The following DDX39A variants were observed in gnomAD, a reference collection of about 807,000 sequenced individuals.
DDX39A encodes DExD-box helicase 39A.
Under a neutral mutation model 46.3 loss-of-function variants are expected in DDX39A, and 13 were observed. That is an observed-to-expected ratio of 0.28 (90% CI 0.18 to 0.45). The LOEUF (loss-of-function observed/expected upper bound fraction) is 0.45, where lower values mean the gene tolerates loss of function less well. Among genes scored for constraint, DDX39A ranks in the 20% least tolerant of loss-of-function variants. The probability of loss-of-function intolerance (pLI) is 1.00; values close to 1 mark genes in which losing one functional copy is unlikely to be tolerated. For missense variants in DDX39A, 352 were observed against 581.8 expected (o/e 0.61, Z 4.06); for synonymous variants, 234 against 224.6 (o/e 1.04, Z -0.38).
Position 14,411,005 on chromosome 19 carries a change from C to T in DDX39A, c.597G>A (p.Lys199=), listed in dbSNP as rs1976565279. Residue 199 remains lysine (K), a synonymous_variant, in exon 5 of 11, where the codon AAG becomes AAA. Transcript: ENST00000242776. This position sits in a 1 kb window ranked among gnomAD's most constrained non-coding sequence, Gnocchi z 4.1. Reference sequence around the variant, plus strand: ...AGGACTCACCCAGCTGCTCCAGCATCTTGTCACACTCGTCCAGCACAAAGT... The same window carrying T: ...AGGACTCACCCAGCTGCTCCAGCATTTTGTCACACTCGTCCAGCACAAAGT... ...VKHFVLDECD[K]MLEQLDMRRD... 6.3e-7 allele frequency: 1 copy of T among 1,583,052 alleles called. No individual in the cohort carries two copies. Among genetic ancestry groups the T allele is most frequent in the African/African-American group, 1.4e-5 (1 of 73,838 alleles).
chr19:14,410,205 G>A lies in DDX39A; in HGVS notation c.732+11C>T, dbSNP rs765309980. On this transcript the variant is annotated intron_variant, in intron 6 of 10. Transcript: ENST00000242776. The surrounding 1 kb of genome is among the most constrained non-coding windows in gnomAD (Gnocchi z 4.3). ...GGGGAAGGCCAAAGCTGCCACTCTC[G>A]CCCTACTCACATCCTGCATGAACTT... The A allele has an allele frequency of 1.1e-5, 18 of 1,611,892 alleles. No individual in the cohort carries two copies. The African/African-American group carries it at 1.6e-4, about 14-fold the overall frequency.
chr19:14,414,177 T>C (rs1976706725), intron 1 of DDX39A, among the ~76,000 whole-genome samples: 1 of 151,940 alleles, frequency 6.6e-6, no homozygotes, highest in South Asian at 2.1e-4. Flanking sequence ...CTGTCACTCA[T>C]TCCCGGCTCA....
chr19:14,412,860 C>T lies in DDX39A; in HGVS notation c.208+153G>A. On this transcript the variant is annotated intron_variant, in intron 2 of 10. Coordinates refer to ENST00000242776, the MANE Select transcript of DDX39A (RefSeq NM_005804.4). This position sits in a 1 kb window ranked among gnomAD's most constrained non-coding sequence, Gnocchi z 4.4. ...AAGCAGAACGCCCCACTGCCGAGGGCAGCCACAGGCCCCGCTGGGCACAAC... is the reference window on the plus strand; with the variant it reads ...AAGCAGAACGCCCCACTGCCGAGGGTAGCCACAGGCCCCGCTGGGCACAAC... The T allele has an allele frequency of 8.0e-7, 1 of 1,245,100 alleles. No homozygotes were observed. The allele number at this position is 1,245,100 out of a possible 1,614,324, so 77.1% of individuals were successfully genotyped here. A position where few individuals can be genotyped will look rare whatever the true frequency, so the allele number is the denominator to read the frequency against.
At position 14,409,950 on chromosome 19, in the gene DDX39A, G is replaced by A; in HGVS notation, c.733-77C>T. The A allele has an allele frequency of 6.4e-7, 1 of 1,570,050 alleles. No individual in the cohort carries two copies. Among genetic ancestry groups the A allele is most frequent in the Middle Eastern group, 1.7e-4 (1 of 5,998 alleles). ...TCGCCTGCCCAGAACCTTCCAGTGG[G>A]CGACTCCTTTGTGCGACACTTCCCA... On this transcript the variant is annotated intron_variant, in intron 6 of 10. Coordinates refer to ENST00000242776, the MANE Select transcript of DDX39A (RefSeq NM_005804.4). This position sits in a 1 kb window ranked among gnomAD's most constrained non-coding sequence, Gnocchi z 8.3.
chr19:14,413,809 C>A (rs940874749), intron 1 of DDX39A, among the ~76,000 whole-genome samples: 6 of 152,172 alleles, frequency 3.9e-5, no homozygotes, highest in African/African-American at 1.4e-4. Flanking sequence ...CTGGTGGGAA[C>A]TGAGTTTGCG....
chr19:14,417,708 G>GA (rs1483227713), intron 1 of DDX39A, among the ~76,000 whole-genome samples: 5 of 152,130 alleles, frequency 3.3e-5, no homozygotes, highest in Admixed American at 2.0e-4. Flanking sequence ...ATTAAAAAAA[G>GA]AAAAAAATTA....
intron 1 of DDX39A, among the ~76,000 whole-genome samples, chr19:14,416,584 C>A (rs562869852): frequency 6.6e-6 from 1 of 152,306 alleles, no homozygotes; most frequent in Admixed American, 6.5e-5. Flanking sequence ...CCGAAAAGCA[C>A]CAGAGCCTTT....
intron 1 of DDX39A, chr19:14,418,820 CCAAGAAGAAGGTAGACTGGGAAAGGGAT>C: frequency 4.7e-6 from 2 of 425,614 alleles, no homozygotes; most frequent in East Asian, 1.4e-4. Context: ...AAAAAGTAGA[CCAAGAAGAAGGTAGACTGGGAAAGGGAT>C]CAAGTCCCTC....
rs1976622709 is a variant in DDX39A, at chr19:14,412,284, G to A, written c.336+267C>T. ...CTCTGGGGCAAGGGGCAAACTGTGG[G>A]CACTTTCCAGTTATTTTGGCTTATT... On this transcript the variant is annotated intron_variant, in intron 3 of 10. Transcript: ENST00000242776. The surrounding 1 kb of genome is among the most constrained non-coding windows in gnomAD (Gnocchi z 4.4). 3 of 405,088 alleles carry A rather than the reference G, an allele frequency of 7.4e-6. No individual in the cohort carries two copies. 25.1% of individuals were successfully genotyped at this position (405,088 alleles called of 1,614,324 possible).
In DDX39A at chr19:14,411,068, G is replaced by A. The variant is rs142002555; in HGVS notation, c.534C>T (p.Leu178=). ...VVGTPGRILA[L]VRNRSFSLKN... is the part of the protein sequence containing the mutation. ...TTAGGCTGAAGCTCCTATTCCGCAC[G>A]AGCGCCAGGATGCGGCCCGGGGTCC... Residue 178 remains leucine (L), a synonymous_variant, in exon 5 of 11, where the codon CTC becomes CTT. Coordinates refer to ENST00000242776, the MANE Select transcript of DDX39A (RefSeq NM_005804.4). The surrounding 1 kb of genome is among the most constrained non-coding windows in gnomAD (Gnocchi z 4.1). 18 of 1,612,580 alleles carry A rather than the reference G, an allele frequency of 1.1e-5. No homozygotes were observed. Among genetic ancestry groups the A allele is most frequent in the East Asian group, 1.1e-4 (5 of 44,816 alleles).
intron 1 of DDX39A, among the ~76,000 whole-genome samples, chr19:14,418,655 T>A (rs1334057297): frequency 1.3e-5 from 2 of 151,214 alleles, no homozygotes; most frequent in Non-Finnish European, 2.9e-5. Context: ...AGAGACGAGG[T>A]TTCACCATGT....
Position 14,410,929 on chromosome 19 carries a change from T to G in DDX39A, c.613+60A>C. The G allele has an allele frequency of 6.9e-7, 1 of 1,459,206 alleles. No individual in the cohort carries two copies. Among genetic ancestry groups the G allele is most frequent in the Non-Finnish European group, 9.1e-7 (1 of 1,099,378 alleles). 90.4% of individuals were successfully genotyped at this position (1,459,206 alleles called of 1,614,324 possible). ...GTAACCCACTCAAGAGCCTTCCGCC[T>G]GCTATGGGGCCCGCCTAGTCACTGA... On this transcript the variant is annotated intron_variant, in intron 5 of 10. Transcript: ENST00000242776. This position sits in a 1 kb window ranked among gnomAD's most constrained non-coding sequence, Gnocchi z 4.3.
chr19:14,410,933 A>G lies in DDX39A; in HGVS notation c.613+56T>C. ...CCCACTCAAGAGCCTTCCGCCTGCTATGGGGCCCGCCTAGTCACTGACTCT... is the reference window on the plus strand; with the variant it reads ...CCCACTCAAGAGCCTTCCGCCTGCTGTGGGGCCCGCCTAGTCACTGACTCT... On this transcript the variant is annotated intron_variant, in intron 5 of 10. Transcript: ENST00000242776. The surrounding 1 kb of genome is among the most constrained non-coding windows in gnomAD (Gnocchi z 4.3). 1.4e-6 allele frequency: 2 copies of G among 1,467,774 alleles called. No individual in the cohort carries two copies. Among genetic ancestry groups the G allele is most frequent in the African/African-American group, 1.4e-5 (1 of 70,164 alleles). 90.9% of individuals were successfully genotyped at this position (1,467,774 alleles called of 1,614,324 possible).
In DDX39A at chr19:14,413,313, A is replaced by G. The variant is rs78000713; in HGVS notation, c.-4-89T>C. The G allele has an allele frequency of 1.5e-3, 1,839 of 1,217,444 alleles. 16 individuals carry two copies. The African/African-American group carries it at 0.025, about 17-fold the overall frequency. The allele number at this position is 1,217,444 out of a possible 1,614,324, so 75.4% of individuals were successfully genotyped here. A position where few individuals can be genotyped will look rare whatever the true frequency, so the allele number is the denominator to read the frequency against. On this transcript the variant is annotated intron_variant, in intron 1 of 10. Coordinates refer to ENST00000242776, the MANE Select transcript of DDX39A (RefSeq NM_005804.4). ...ATGGCATTCTCTGCCGCCTCCTTCC[A>G]TGAGTGAGCCCATCAGCTCTACCTG...
In DDX39A at chr19:14,414,954, AAAAG is replaced by A. The variant is rs1349203338; in HGVS notation, c.-4-1734_-4-1731del. 7.3e-5 allele frequency among the ~76,000 whole-genome samples: 11 copies of A among 151,566 alleles called. No homozygotes were observed. The South Asian group carries it at 1.5e-3, about 20-fold the overall frequency. On this transcript the variant is annotated intron_variant, in intron 1 of 10. Transcript: ENST00000242776. ...TCCAGCCTAAAAAAAAAAAAAAAAA[AAAAG>A]AAAAGCTTCACAGAGATATTTACAT...
chr19:14,409,190 G>A lies in DDX39A; in HGVS notation c.1120-6C>T, dbSNP rs199986348. On this transcript the variant is annotated splice_region_variant and splice_polypyrimidine_tract_variant and intron_variant, in intron 9 of 10. Transcript: ENST00000242776. The surrounding 1 kb of genome is among the most constrained non-coding windows in gnomAD (Gnocchi z 8.3). Reference sequence around the variant, plus strand: ...AAGCGACCCGCCCGGGCCACCTGCAGGCAGACAGGATCAGGGTCAGGCCAC... The same window carrying A: ...AAGCGACCCGCCCGGGCCACCTGCAAGCAGACAGGATCAGGGTCAGGCCAC... 3 of 1,614,206 alleles carry A rather than the reference G, an allele frequency of 1.9e-6. No homozygotes were observed. The East Asian group carries it at 6.7e-5, about 36-fold the overall frequency.
At position 14,409,230 on chromosome 19, in the gene DDX39A, G is replaced by A. The variant is rs370913207; in HGVS notation, c.1120-46C>T. 3.8e-5 allele frequency: 61 copies of A among 1,613,056 alleles called. No individual in the cohort carries two copies. The African/African-American group carries it at 7.7e-4, about 20-fold the overall frequency. On this transcript the variant is annotated intron_variant, in intron 9 of 10. Coordinates refer to ENST00000242776, the MANE Select transcript of DDX39A (RefSeq NM_005804.4). This position sits in a 1 kb window ranked among gnomAD's most constrained non-coding sequence, Gnocchi z 8.3. Reference sequence around the variant, plus strand: ...GGTCAGGCCACAGATACTACCTCAGGACTTGAGGAAAAGCAGGGCTGGGGC... The same window carrying A: ...GGTCAGGCCACAGATACTACCTCAGAACTTGAGGAAAAGCAGGGCTGGGGC...
In DDX39A at chr19:14,408,923, T is replaced by G; in HGVS notation, c.*13A>C. On this transcript the variant is annotated 3_prime_UTR_variant, in exon 11 of 11. Coordinates refer to ENST00000242776, the MANE Select transcript of DDX39A (RefSeq NM_005804.4). ...GCGGGCGGCTCCGGGTGGGCGGCTC[T>G]GGCACGTGGTGGTTACCGGCTCTGC... The G allele has an allele frequency of 6.3e-7, 1 of 1,585,808 alleles. No individual in the cohort carries two copies. Among genetic ancestry groups the G allele is most frequent in the Non-Finnish European group, 8.6e-7 (1 of 1,163,528 alleles).
chr19:14,417,553 C>G (rs113573774), intron 1 of DDX39A, among the ~76,000 whole-genome samples: 6,726 of 151,876 alleles, frequency 0.044, 508 homozygotes, highest in African/African-American at 0.15. Flanking sequence ...GTTAACGGGT[C>G]CAGCACACCA....
Sources: gnomAD v4.1 joint callset for allele counts (sites outside exome capture counted in the v4.1 genomes callset) on GRCh38, gnomAD v4.1.1 for gene constraint, Gnocchi (gnomAD v3.1) non-coding constraint, MANE v1.5 for transcripts, NCBI Gene and HGNC (gene_info 2026-07-23, HGNC 2026-07-21) for gene names.